DNAH9: variants seen among roughly 807,000 people sequenced by gnomAD.
DNAH9 encodes DNAH9 variant protein.
DNAH9 carries 345 observed loss-of-function variants against 471.6 expected under a neutral mutation model. The ratio of observed to expected loss-of-function variants is 0.73; its 90% confidence interval spans 0.67 to 0.80. The LOEUF is 0.80. DNAH9 is among the 30% of genes least tolerant of loss of function. The pLI, the probability that DNAH9 is intolerant of heterozygous loss-of-function variation, is 0.00. For missense variants in DNAH9, 5,407 were observed against 5,609.2 expected (o/e 0.96, Z 1.15); for synonymous variants, 2,093 against 2,123.6 (o/e 0.99, Z 0.40).
chr17:11,940,442 G>C (rs1050141389), intron 66 of DNAH9, among the ~76,000 whole-genome samples: 15 of 152,260 alleles, frequency 9.9e-5, no homozygotes, highest in Admixed American at 5.2e-4. Flanking sequence ...ATATAGAGCT[G>C]TTTTTTCAAA....
At position 11,883,651 on chromosome 17, in the gene DNAH9, C is replaced by T. The variant is rs771242663; in HGVS notation, c.10872C>T (p.Leu3624=). Residue 3624 remains leucine, a synonymous_variant, in exon 56 of 69, where the codon CTC becomes CTT. Coordinates refer to ENST00000262442, the MANE Select transcript of DNAH9 (RefSeq NM_001372.4). The part of the protein sequence containing the change: ...ITLKTLEDSL[L]SRLSSASGNF... ...TGAAAACGTTGGAAGACAGTCTTCT[C>T]TCTCGCCTCTCCTCCGCCTCTGGGA... 6.2e-7 allele frequency: 1 copy of T among 1,614,166 alleles called. No individual in the cohort carries two copies. Among genetic ancestry groups the T allele is most frequent in the Non-Finnish European group, 8.5e-7 (1 of 1,180,022 alleles).
At position 11,598,761 on chromosome 17, in the gene DNAH9, A is replaced by G; in HGVS notation, c.263A>G (p.Glu88Gly). The change falls in exon 1 of 69, where the codon GAG becomes GGG. Residue 88 changes from glutamate (E) to glycine (G), a missense_variant. By Grantham distance (98) the Glu-to-Gly change is moderately conservative (BLOSUM62 -2). Coordinates refer to ENST00000262442, the MANE Select transcript of DNAH9 (RefSeq NM_001372.4). The part of the protein sequence containing the change: ...PRGLAIRPGL[E>G]VGPESGLAGA... ...GGCCTGGCAATACGCCCCGGGCTGG[A>G]GGTGGGACCTGAGTCGGGCCTGGCT... 6.9e-7 allele frequency: 1 copy of G among 1,439,806 alleles called. No individual in the cohort carries two copies. The highest frequency in any genetic ancestry group is 1.4e-5 in the South Asian group (1 of 73,066). 89.2% of individuals were successfully genotyped at this position (1,439,806 alleles called of 1,614,324 possible).
intron 19 of DNAH9, among the ~76,000 whole-genome samples, chr17:11,681,179 T>C (rs956754755): frequency 2.0e-5 from 3 of 152,176 alleles, no homozygotes; most frequent in Admixed American, 2.0e-4. Flanking sequence ...GGTGGTATAA[T>C]TACTAGGATT....
In DNAH9 at chr17:11,669,059, T is replaced by A. The variant is rs749977393; in HGVS notation, c.2732-5T>A. ...TTTTGTTTGCTTGTTTTCTGTGTTT[T>A]TCAGAGTGTAAGGCAGGACTTACCC... On this transcript the variant is annotated splice_region_variant and splice_polypyrimidine_tract_variant and intron_variant, in intron 15 of 68. Transcript: ENST00000262442. The A allele has an allele frequency of 5.0e-6, 8 of 1,596,196 alleles. No homozygotes were observed. Among genetic ancestry groups the A allele is most frequent in the Admixed American group, 1.7e-5 (1 of 57,632 alleles).
chr17:11,638,825 T>A (rs1319309507), intron 9 of DNAH9, among the ~76,000 whole-genome samples: 1 of 152,134 alleles, frequency 6.6e-6, no homozygotes, highest in African/African-American at 2.4e-5. Flanking sequence ...TCCACTGCCA[T>A]CCTCCTTGCT....
At chr17:11,741,347 A>G (rs1166021813) in intron 29 of DNAH9, among the ~76,000 whole-genome samples, 2 of 152,234 alleles carry the variant, frequency 1.3e-5, no homozygotes, top group Non-Finnish European at 2.9e-5. Context: ...ATTATTGTAT[A>G]TGCCATTCTG....
chr17:11,968,077 T>G (rs1304520881), intron 68 of DNAH9, among the ~76,000 whole-genome samples: 1 of 152,130 alleles, frequency 6.6e-6, no homozygotes, highest in Non-Finnish European at 1.5e-5. Context: ...GATCATAGAG[T>G]TTCTTTTTGG....
At chr17:11,737,930 A>G (rs1228153682) in intron 28 of DNAH9, among the ~76,000 whole-genome samples, 1 of 152,188 alleles carries the variant, frequency 6.6e-6, no homozygotes, top group Non-Finnish European at 1.5e-5. Context: ...CCCTCATGTT[A>G]GCTGGTATTT....
chr17:11,834,797 A>G lies in DNAH9; in HGVS notation c.9406A>G (p.Met3136Val), dbSNP rs1325769412. The change falls in exon 49 of 69, where the codon ATG (methionine) becomes GTG (valine). Residue 3136 changes from methionine to valine, a missense_variant. Around this residue, in one of 3 missense-constraint regions of DNAH9, gnomAD observed 4,636 missense variants for 4,900.3 expected, o/e 0.95. Coordinates refer to ENST00000262442, the MANE Select transcript of DNAH9 (RefSeq NM_001372.4). ...DEEEQKVAVIMLEVKQKQKDC... is the reference protein window; with the variant it reads ...DEEEQKVAVIVLEVKQKQKDC... ...AGAGGAGCAGAAGGTGGCCGTCATC[A>G]TGCTAGAGGTGAAACAGAAGCAGAA... 9 of 1,614,044 alleles carry G rather than the reference A, an allele frequency of 5.6e-6. No individual in the cohort carries two copies. Among genetic ancestry groups the G allele is most frequent in the Non-Finnish European group, 7.6e-6 (9 of 1,180,044 alleles).
chr17:11,929,207 T>C (rs1326686769), intron 62 of DNAH9, among the ~76,000 whole-genome samples: 3 of 151,908 alleles, frequency 2.0e-5, no homozygotes, highest in Admixed American at 2.0e-4. Context: ...GCTAATTTTT[T>C]GTATTTTTAG....
Position 11,689,905 on chromosome 17 carries a change from C to A in DNAH9, c.4083C>A (p.Ser1361Arg). Reference sequence around the variant, plus strand: ...GGGATGCATTCACAGGCCTGGAAAGCACTGTGTGGAACACGCTGAGCTCCC... The same window carrying A: ...GGGATGCATTCACAGGCCTGGAAAGAACTGTGTGGAACACGCTGAGCTCCC... ...RAWDAFTGLE[S>R]TVWNTLSSLR... is the part of the protein sequence containing the mutation. The change falls in exon 20 of 69, where the codon AGC becomes AGA. Residue 1361 changes from serine (S) to arginine (R), a missense_variant. Physicochemically the swap from Ser to Arg is moderately radical, Grantham distance 110. Transcript: ENST00000262442. 1 of 1,608,734 alleles carries A rather than the reference C, an allele frequency of 6.2e-7. No homozygotes were observed.
At chr17:11,680,495 A>C (rs987410180) in intron 18 of DNAH9, among the ~76,000 whole-genome samples, 1 of 152,160 alleles carries the variant, frequency 6.6e-6, no homozygotes, top group Non-Finnish European at 1.5e-5. Flanking sequence ...GGTTGAGAGC[A>C]AGAAGGTTAG....
intron 48 of DNAH9, among the ~76,000 whole-genome samples, chr17:11,831,503 A>G (rs1018401773): frequency 2.0e-5 from 3 of 152,052 alleles, no homozygotes; most frequent in African/African-American, 7.2e-5. Context: ...CCCACCTCCA[A>G]CATAGGGGAT....
intron 45 of DNAH9, among the ~76,000 whole-genome samples, chr17:11,821,486 T>C (rs1448359959): frequency 2.0e-5 from 3 of 152,146 alleles, no homozygotes; most frequent in Non-Finnish European, 2.9e-5. Flanking sequence ...TCTTTTTAAA[T>C]ATATGGACCT....
Position 11,598,827 on chromosome 17 carries a change from C to T in DNAH9, c.329C>T (p.Pro110Leu), listed in dbSNP as rs1258440403. The T allele has an allele frequency of 2.7e-6, 4 of 1,506,276 alleles. No individual in the cohort carries two copies. The highest frequency in any genetic ancestry group is 5.5e-5 in the East Asian group (2 of 36,674). The allele number at this position is 1,506,276 out of a possible 1,614,324, so 93.3% of individuals were successfully genotyped here. A position where few individuals can be genotyped will look rare whatever the true frequency, so the allele number is the denominator to read the frequency against. ...ALFFLRTGPE[P>L]PGPDSFRGAV... ...TTTTTCCTTCGCACCGGGCCCGAGC[C>T]TCCAGGGCCCGACAGCTTCCGCGGC... The change falls in exon 1 of 69, where the codon CCT (proline) becomes CTT (leucine). Residue 110 changes from proline to leucine, a missense_variant. By Grantham distance (98) the Pro-to-Leu change is moderately conservative. Around this residue, in one of 3 missense-constraint regions of DNAH9, gnomAD observed 767 missense variants for 692.5 expected, o/e 1.11. Transcript: ENST00000262442.
chr17:11,719,230 G>T (rs1048511966), intron 26 of DNAH9, 104 bp from the exon 27 acceptor site: 45 of 1,197,186 alleles, frequency 3.8e-5, no homozygotes, highest in South Asian at 1.8e-4. Flanking sequence ...AGGGCTCTTG[G>T]CTTTCTTTTC....
intron 50 of DNAH9, among the ~76,000 whole-genome samples, chr17:11,858,860 C>T (rs1041033684): frequency 6.6e-6 from 1 of 151,884 alleles, no homozygotes; most frequent in South Asian, 2.1e-4. Flanking sequence ...GAGGTGGTTG[C>T]ATCACCTGAG....
In DNAH9 at chr17:11,793,588, G is replaced by A. The variant is rs373481511; in HGVS notation, c.8147G>A (p.Arg2716Gln). The stretch of plus-strand genomic sequence containing the variant: ...CTGCATGAATCAAATCGAGTTTATC[G>A]GGATAAGATGGTAGAAGAAAAGGAC... ...LYLHESNRVY[R>Q]DKMVEEKDFD... Residue 2716 changes from arginine to glutamine, a missense_variant, in exon 42 of 69, where the codon CGG becomes CAG. This residue lies in a region of DNAH9 where 4,636 missense variants were observed against 4,900.3 expected (regional missense o/e 0.95). Coordinates refer to ENST00000262442, the MANE Select transcript of DNAH9 (RefSeq NM_001372.4). 7.3e-5 allele frequency: 117 copies of A among 1,613,744 alleles called. 1 individual carries two copies. In the Admixed American group the frequency reaches 7.8e-4, roughly 11 times the overall value.
chr17:11,757,907 G>A (rs1967469509), intron 35 of DNAH9, among the ~76,000 whole-genome samples: 1 of 152,206 alleles, frequency 6.6e-6, no homozygotes, highest in Admixed American at 6.5e-5. Context: ...GAGTGAAGGG[G>A]AGGAAGATTG....
Sources: allele counts gnomAD v4.1 joint callset (sites outside exome capture counted in the v4.1 genomes callset), GRCh38; gene constraint gnomAD v4.1.1; regional missense constraint gnomAD v4.1.1; transcripts MANE v1.5; gene names NCBI Gene and HGNC (gene_info 2026-07-23, HGNC 2026-07-21).